Variants in RORB observed in about 807,000 individuals in gnomAD.
RORB encodes the protein nuclear receptor ROR-beta.
RORB carries 6 observed loss-of-function variants against 59.1 expected under a neutral mutation model. The ratio of observed to expected loss-of-function variants is 0.10; its 90% CI spans 0.06 to 0.20. The LOEUF (loss-of-function observed/expected upper bound fraction) is 0.20. RORB is among the 10% of genes least tolerant of loss of function. The probability of loss-of-function intolerance (pLI) is 1.00; values close to 1 mark genes in which losing one functional copy is unlikely to be tolerated. For synonymous variants in RORB, 215 were observed against 204.5 expected, an observed-to-expected ratio of 1.05 and a Z score of -0.44; for missense variants, 320 against 560.5, an observed-to-expected ratio of 0.57 and a Z score of 4.33.
intron 1 of RORB, among the ~76,000 whole-genome samples, chr9:74,510,658 T>G (rs1236029996): frequency 6.6e-6 from 1 of 152,142 alleles, no homozygotes; most frequent in African/African-American, 2.4e-5. Flanking sequence ...TAGGAATGTG[T>G]CCAGAGTACC....
At chr9:74,597,899 G>A (rs1391398504) in intron 1 of RORB, among the ~76,000 whole-genome samples, 2 of 151,800 alleles carry the variant, frequency 1.3e-5, no homozygotes, top group Non-Finnish European at 1.5e-5. Context: ...CAGAGGTTGC[G>A]GTGAGCCGAG....
intron 4 of RORB, among the ~76,000 whole-genome samples, chr9:74,657,414 T>C (rs1042976484): frequency 3.3e-5 from 5 of 152,120 alleles, no homozygotes; most frequent in African/African-American, 1.2e-4. Flanking sequence ...AAGGGGAGAC[T>C]GGTCCTAAAG....
rs549500824 is a variant in RORB at position 74,690,200 on chromosome 9, A to G, written c.*4582A>G. 47 of 152,354 alleles carry G rather than the reference A, an allele frequency of 3.1e-4. No homozygotes were observed. Among genetic ancestry groups the G allele is most frequent in the African/African-American group, 1.0e-3 (42 of 41,570 alleles). 9.4% of individuals were successfully genotyped at this position (152,354 alleles called of 1,614,324 possible). ...AACTGTCAGTATAAGCAGCAACTAGAGTAAAGGCCTGATGTGGGAAACTAT... is the reference window on the plus strand; with the variant it reads ...AACTGTCAGTATAAGCAGCAACTAGGGTAAAGGCCTGATGTGGGAAACTAT... On this transcript the variant is annotated 3_prime_UTR_variant, in exon 10 of 10. Coordinates refer to ENST00000376896, the MANE Select transcript of RORB (RefSeq NM_006914.4).
intron 1 of RORB, among the ~76,000 whole-genome samples, chr9:74,547,833 A>G (rs1826524718): frequency 6.6e-6 from 1 of 152,212 alleles, no homozygotes; most frequent in African/African-American, 2.4e-5. Context: ...AATTCATTCA[A>G]GGGTAGAATG....
chr9:74,676,053 C>A (rs1824436164), intron 9 of RORB, among the ~76,000 whole-genome samples: 1 of 152,184 alleles, frequency 6.6e-6, no homozygotes, highest in Non-Finnish European at 1.5e-5. Flanking sequence ...CCAGCTGGGG[C>A]CAAGTTGTGG....
chr9:74,634,531 A>T, intron 2 of RORB, 100 bp from the exon 3 acceptor site: 2 of 1,097,996 alleles, frequency 1.8e-6, no homozygotes, highest in South Asian at 2.0e-5. Context: ...AATTAAACTC[A>T]GTTATGTTCA....
intron 1 of RORB, among the ~76,000 whole-genome samples, chr9:74,521,971 T>C (rs1413958136): frequency 1.3e-5 from 2 of 151,784 alleles, no homozygotes; most frequent in African/African-American, 4.8e-5. Context: ...TAATTTCTGC[T>C]CTTGTCTGCA....
chr9:74,626,287 ATAAAG>A, intron 1 of RORB, among the ~76,000 whole-genome samples: 1 of 152,322 alleles, frequency 6.6e-6, no homozygotes, highest in South Asian at 2.1e-4. Flanking sequence ...TTGTTCTAAT[ATAAAG>A]TAAAGCAGCA....
intron 1 of RORB, among the ~76,000 whole-genome samples, chr9:74,532,786 ATATATATACATAGATACG>A (rs1826263229): frequency 6.8e-6 from 1 of 147,470 alleles, no homozygotes; most frequent in African/African-American, 2.5e-5. Flanking sequence ...ATGTGTGTAT[ATATATATACATAGATACG>A]TATATATATA....
chr9:74,608,350 G>T (rs1331134084), intron 1 of RORB, among the ~76,000 whole-genome samples: 1 of 152,018 alleles, frequency 6.6e-6, no homozygotes, highest in East Asian at 1.9e-4. Flanking sequence ...CGGATCATGA[G>T]GTCAGAAGAT....
intron 1 of RORB, among the ~76,000 whole-genome samples, chr9:74,567,880 A>G (rs1822492465): frequency 6.6e-6 from 1 of 152,216 alleles, no homozygotes; most frequent in Non-Finnish European, 1.5e-5. Context: ...ATTTTGACGA[A>G]TTCCAGAGGA....
intron 4 of RORB, among the ~76,000 whole-genome samples, chr9:74,651,985 T>G (rs996388771): frequency 1.3e-5 from 2 of 152,232 alleles, no homozygotes; most frequent in Non-Finnish European, 2.9e-5. Flanking sequence ...TGTTGTTAAA[T>G]AAAGAAAGCA....
chr9:74,579,716 C>G (rs373949322), intron 1 of RORB, among the ~76,000 whole-genome samples: 3 of 152,130 alleles, frequency 2.0e-5, no homozygotes, highest in Non-Finnish European at 4.4e-5. Flanking sequence ...CCCAGCAATA[C>G]GAAATGGAAA....
At chr9:74,499,972 T>G (rs917202693) in intron 1 of RORB, among the ~76,000 whole-genome samples, 2 of 152,120 alleles carry the variant, frequency 1.3e-5, no homozygotes, top group Admixed American at 6.5e-5. Context: ...TGATCTAGCA[T>G]CTCCTGAAGG....
intron 1 of RORB, among the ~76,000 whole-genome samples, chr9:74,572,048 CAT>C (rs1822561562): frequency 6.6e-6 from 1 of 152,136 alleles, no homozygotes; most frequent in South Asian, 2.1e-4. Context: ...TAAACTCTAA[CAT>C]AGCACCACCT....
chr9:74,522,026 C>T (rs1826091701), intron 1 of RORB, among the ~76,000 whole-genome samples: 1 of 151,724 alleles, frequency 6.6e-6, no homozygotes, highest in Admixed American at 6.6e-5. Context: ...TTTCTGTTGT[C>T]ACACCACTGA....
At chr9:74,545,965 C>G (rs1378727148) in intron 1 of RORB, among the ~76,000 whole-genome samples, 1 of 152,186 alleles carries the variant, frequency 6.6e-6, no homozygotes, top group Non-Finnish European at 1.5e-5. Flanking sequence ...TAAAAGGAAT[C>G]TAACTGGCAA....
intron 4 of RORB, among the ~76,000 whole-genome samples, chr9:74,646,396 C>T (rs1190726516): frequency 1.3e-5 from 2 of 152,128 alleles, no homozygotes; most frequent in African/African-American, 4.8e-5. Context: ...CCCAAAAAGT[C>T]AGTTTTTGAA....
chr9:74,672,662 C>T (rs1294941741), intron 9 of RORB, among the ~76,000 whole-genome samples: 2 of 152,152 alleles, frequency 1.3e-5, no homozygotes, highest in Admixed American at 6.5e-5. Context: ...AAAAGTAATT[C>T]TCAATGATTG....
Sources: allele counts gnomAD v4.1 joint callset (sites outside exome capture counted in the v4.1 genomes callset), GRCh38; gene constraint gnomAD v4.1.1; transcripts MANE v1.5; gene names NCBI Gene and HGNC (gene_info 2026-07-23, HGNC 2026-07-21).